Variants in PPFIA4 observed in about 807,000 individuals in gnomAD.
PPFIA4 encodes the protein PPFI scaffold protein A4, also known as liprin-alpha-4.
Under a neutral mutation model 145.7 loss-of-function variants are expected in PPFIA4, and 98 were observed. The ratio of observed to expected loss-of-function variants is 0.67; its 90% CI spans 0.57 to 0.80. The LOEUF is 0.80. Ranked by LOEUF, PPFIA4 falls within the 30% of genes least tolerant of loss-of-function variation. PPFIA4 has a pLI of 0.00. For missense variants in PPFIA4, 1,457 were observed against 1,632.7 expected (o/e 0.89, Z 1.85); for synonymous variants, 628 against 649.6 (o/e 0.97, Z 0.51).
intron 2 of PPFIA4, among the ~76,000 whole-genome samples, chr1:203,041,876 G>A (rs1447086034): frequency 1.3e-5 from 2 of 152,222 alleles, no homozygotes; most frequent in Non-Finnish European, 2.9e-5. Flanking sequence ...GGGTGAGACA[G>A]CATCAGGCCT....
rs958482861 is a variant in PPFIA4 at position 203,043,347 on chromosome 1, C to G, written c.235-50C>G. ...ACCACTGACTTGCATGTGCAGGACA[C>G]TGCTTTGGGGGTGAATCCTGAAGCA... On this transcript the variant is annotated intron_variant, in intron 2 of 29. Transcript: ENST00000295706. The surrounding 1 kb of genome is among the most constrained non-coding windows in gnomAD (Gnocchi z 4.4). The G allele has an allele frequency of 2.0e-6, 3 of 1,512,694 alleles. No individual in the cohort carries two copies. The highest frequency in any genetic ancestry group is 2.7e-6 in the Non-Finnish European group (3 of 1,106,862). 93.7% of individuals were successfully genotyped at this position (1,512,694 alleles called of 1,614,324 possible). A position where few individuals can be genotyped will look rare whatever the true frequency, so the allele number is the denominator to read the frequency against.
intron 24 of PPFIA4, chr1:203,063,559 C>T (rs1329842332): frequency 1.6e-5 from 6 of 367,390 alleles, no homozygotes; most frequent in African/African-American, 6.4e-5. Context: ...TAGCTGCTGC[C>T]GGGATAGCTA....
At chr1:203,053,490 G>A (rs543864231) in intron 14 of PPFIA4, among the ~76,000 whole-genome samples, 11 of 152,066 alleles carry the variant, frequency 7.2e-5, no homozygotes, top group African/African-American at 2.4e-4. Flanking sequence ...CCGAGATCAC[G>A]CCACTGCCCT....
intron 14 of PPFIA4, among the ~76,000 whole-genome samples, chr1:203,052,884 C>A (rs1339127736): frequency 3.3e-5 from 5 of 152,242 alleles, no homozygotes; most frequent in Non-Finnish European, 7.3e-5. Context: ...TGAAACTCTG[C>A]AGACTGTCTA....
Position 203,027,202 on chromosome 1 carries a change from C to T in PPFIA4, c.-400+573C>T, listed in dbSNP as rs995883771. Among the ~76,000 whole-genome samples the T allele has an allele frequency of 2.0e-5, 3 of 151,902 alleles. No homozygotes were observed. In the East Asian group the frequency reaches 5.8e-4, roughly 29 times the overall value. ...CGGTGGGGTGGAAGGAGCGGCCAAC[C>T]CGAGGCCTGGTGGGGGTGGGGACAG... On this transcript the variant is annotated intron_variant, in intron 1 of 29. Transcript: ENST00000295706.
intron 1 of PPFIA4, chr1:203,035,386 C>T (rs1659165128): frequency 1.8e-5 from 8 of 448,150 alleles, no homozygotes; most frequent in Admixed American, 2.4e-5. Flanking sequence ...AAATGCCCAT[C>T]CCTCCTGTGT....
chr1:203,063,793 C>T (rs1006612889), intron 24 of PPFIA4, 35 bp from the exon 25 acceptor site: 4 of 1,611,736 alleles, frequency 2.5e-6, no homozygotes, highest in East Asian at 2.2e-5. Flanking sequence ...CTACCTTCCT[C>T]CCCCATAATA....
chr1:203,051,824 G>A lies in PPFIA4; in HGVS notation c.1567G>A (p.Ala523Thr), dbSNP rs776023262. Residue 523 changes from alanine (A) to threonine (T), a missense_variant, in exon 14 of 30, where the codon GCA becomes ACA. Ala to Thr is a moderately conservative substitution (Grantham distance 58). Transcript: ENST00000295706. ...GTTCTCCCTGGGCACAACCACACAC[G>A]CACCCCCAGGCGTGCATCGCCGCTA... ...VRFSLGTTTH[A>T]PPGVHRRYSA... 23 of 1,613,686 alleles carry A rather than the reference G, an allele frequency of 1.4e-5. No individual in the cohort carries two copies. In the South Asian group the frequency reaches 1.4e-4, roughly 10 times the overall value.
intron 2 of PPFIA4, among the ~76,000 whole-genome samples, chr1:203,040,493 G>T (rs181620718): frequency 1.3e-5 from 2 of 152,182 alleles, no homozygotes; most frequent in African/African-American, 4.8e-5. Context: ...AGTTGGGTGG[G>T]CAGGTGGGGA....
intron 1 of PPFIA4, among the ~76,000 whole-genome samples, chr1:203,028,790 G>C (rs998241284): frequency 6.6e-6 from 1 of 151,732 alleles, no homozygotes; most frequent in Non-Finnish European, 1.5e-5. Flanking sequence ...ATGGAGGGGA[G>C]GGAGTGGGGT....
Position 203,046,341 on chromosome 1 carries a change from G to T in PPFIA4, c.1099G>T (p.Val367Leu). 1 of 1,593,042 alleles carries T rather than the reference G, an allele frequency of 6.3e-7. No homozygotes were observed. Among genetic ancestry groups the T allele is most frequent in the Non-Finnish European group, 8.5e-7 (1 of 1,170,698 alleles). The change falls in exon 9 of 30, where the codon GTG becomes TTG. Residue 367 changes from valine to leucine, a missense_variant. Around this residue, in one of 3 missense-constraint regions of PPFIA4, gnomAD observed 848 missense variants for 1,046.7 expected, o/e 0.81. Coordinates refer to ENST00000295706, the MANE Select transcript of PPFIA4 (RefSeq NM_001304331.2). The stretch of plus-strand genomic sequence containing the variant: ...GCGCAAGGCAGAGACGCTGCCAGAG[G>T]TGGAGGCTGAGCTGGCCCAGAGAAT... ...TMRKAETLPE[V>L]EAELAQRIAA...
rs540871812 is a variant in PPFIA4, at chr1:203,048,777, G to A, written c.1356+63G>A. The A allele has an allele frequency of 2.5e-6, 4 of 1,569,218 alleles. No individual in the cohort carries two copies. Among genetic ancestry groups the A allele is most frequent in the Admixed American group, 1.8e-5 (1 of 54,620 alleles). On this transcript the variant is annotated intron_variant, in intron 11 of 29. Coordinates refer to ENST00000295706, the MANE Select transcript of PPFIA4 (RefSeq NM_001304331.2). This position sits in a 1 kb window ranked among gnomAD's most constrained non-coding sequence, Gnocchi z 5.8. ...TGCTGGGTGTGGGGCGGGGGGAGGC[G>A]GGACTGTGATGGGCGCAGGCGGGGT...
At chr1:203,049,211 A>T (rs1008393110) in intron 12 of PPFIA4, among the ~76,000 whole-genome samples, 1 of 152,238 alleles carries the variant, frequency 6.6e-6, no homozygotes, top group Non-Finnish European at 1.5e-5. Context: ...GGTGGACAGC[A>T]GAGAGGCAGG....
chr1:203,048,390 G>C lies in PPFIA4; in HGVS notation c.1224+80G>C. On this transcript the variant is annotated intron_variant, in intron 10 of 29. Coordinates refer to ENST00000295706, the MANE Select transcript of PPFIA4 (RefSeq NM_001304331.2). This position sits in a 1 kb window ranked among gnomAD's most constrained non-coding sequence, Gnocchi z 5.8. ...CAGGGCGGTCTGTGGAAGGGGCACGGAGGAAGGGCCTGGCCAGGGACACAG... is the reference window on the plus strand; with the variant it reads ...CAGGGCGGTCTGTGGAAGGGGCACGCAGGAAGGGCCTGGCCAGGGACACAG... The C allele has an allele frequency of 6.5e-7, 1 of 1,533,868 alleles. No individual in the cohort carries two copies. Among genetic ancestry groups the C allele is most frequent in the Non-Finnish European group, 8.9e-7 (1 of 1,125,554 alleles).
At chr1:203,063,439 C>T (rs1188660562) in intron 24 of PPFIA4, 3 of 189,944 alleles carry the variant, frequency 1.6e-5, no homozygotes, top group Non-Finnish European at 3.2e-5. Flanking sequence ...CTCTGTAACA[C>T]AGCCTCTCCC....
At chr1:203,045,327 T>G in intron 6 of PPFIA4, 41 bp from the exon 7 acceptor site, 1 of 1,493,492 alleles carries the variant, frequency 6.7e-7, no homozygotes, top group Non-Finnish European at 9.0e-7. Context: ...GTGGGTGGGA[T>G]GCTGCTGTGA....
chr1:203,065,261 AC>A (rs1028172378), intron 25 of PPFIA4, among the ~76,000 whole-genome samples: 1 of 151,762 alleles, frequency 6.6e-6, no homozygotes, highest in African/African-American at 2.4e-5. Flanking sequence ...GGCCTATGTG[AC>A]CCCAGCATGA....
rs1322756927 is a variant in PPFIA4 at position 203,075,508 on chromosome 1, C to T, written c.3394-69C>T. On this transcript the variant is annotated intron_variant, in intron 28 of 29. Coordinates refer to ENST00000295706, the MANE Select transcript of PPFIA4 (RefSeq NM_001304331.2). This position sits in a 1 kb window ranked among gnomAD's most constrained non-coding sequence, Gnocchi z 4.1. ...CCTTGAACCAGCAGCGACTGGCCCC[C>T]TCCAGGCAGGGCGTGAGGATGGCAA... 9.3e-6 allele frequency: 12 copies of T among 1,295,426 alleles called. No homozygotes were observed. In the East Asian group the frequency reaches 2.1e-4, roughly 22 times the overall value. 80.2% of individuals were successfully genotyped at this position (1,295,426 alleles called of 1,614,324 possible).
intron 4 of PPFIA4, 106 bp downstream of exon 4, chr1:203,044,201 C>T: frequency 7.6e-7 from 1 of 1,313,732 alleles, no homozygotes; most frequent in Admixed American, 2.5e-5. Context: ...AGCACTGGCT[C>T]CCTCCAAACA....
Sources: allele counts gnomAD v4.1 joint callset (sites outside exome capture counted in the v4.1 genomes callset), GRCh38; gene constraint gnomAD v4.1.1; regional missense constraint gnomAD v4.1.1; non-coding constraint Gnocchi (gnomAD v3.1); transcripts MANE v1.5; gene names NCBI Gene and HGNC (gene_info 2026-07-23, HGNC 2026-07-21).